Variants in GDA observed in about 807,000 individuals in gnomAD.
GDA encodes the protein cytoplasmic PSD-95 interactor.
GDA carries 18 observed loss-of-function variants against 59.6 expected under a neutral mutation model. The ratio of observed to expected loss-of-function variants is 0.30; its 90% CI spans 0.21 to 0.45. The LOEUF (loss-of-function observed/expected upper bound fraction) is 0.45. Ranked by LOEUF, GDA falls within the 20% of genes least tolerant of loss-of-function variation. The pLI, the probability that GDA is intolerant of heterozygous loss-of-function variation, is 1.00. For missense variants in GDA, 427 were observed against 552.3 expected (o/e 0.77, Z 2.27); for synonymous variants, 201 against 201.1 (o/e 1.00, Z 0.00).
chr9:72,225,988 A>AGTGTGT (rs35524358), intron 8 of GDA, among the ~76,000 whole-genome samples: 6 of 147,920 alleles, frequency 4.1e-5, no homozygotes, highest in South Asian at 2.2e-4. Context: ...AGTAAAGCCT[A>AGTGTGT]GTGTGTGTGT....
At chr9:72,237,741 C>T (rs528566326) in intron 10 of GDA, among the ~76,000 whole-genome samples, 3 of 152,306 alleles carry the variant, frequency 2.0e-5, no homozygotes, top group East Asian at 1.9e-4. Flanking sequence ...AAATAGCTCT[C>T]CTTTTTAGAG....
intron 7 of GDA, among the ~76,000 whole-genome samples, chr9:72,224,216 C>G (rs890854992): frequency 6.6e-6 from 1 of 152,044 alleles, no homozygotes; most frequent in African/African-American, 2.4e-5. Context: ...TCAAGTTTAT[C>G]CTTGCTAGAG....
At chr9:72,123,697 G>C (rs1051948936) in intron 1 of GDA, among the ~76,000 whole-genome samples, 1 of 151,664 alleles carries the variant, frequency 6.6e-6, no homozygotes. Flanking sequence ...ATGTTGGTCA[G>C]GCTGGTCTCG....
chr9:72,185,722 T>C (rs189904891), intron 1 of GDA, among the ~76,000 whole-genome samples: 1 of 152,356 alleles, frequency 6.6e-6, no homozygotes, highest in African/African-American at 2.4e-5. Flanking sequence ...TTTACTTTGT[T>C]CCATAGCAAC....
At chr9:72,166,506 A>G (rs1444626139) in intron 1 of GDA, among the ~76,000 whole-genome samples, 1 of 152,186 alleles carries the variant, frequency 6.6e-6, no homozygotes, top group Non-Finnish European at 1.5e-5. Flanking sequence ...TCTACATTTC[A>G]AAGTAGCTAG....
intron 6 of GDA, among the ~76,000 whole-genome samples, chr9:72,219,843 C>T (rs1836628610): frequency 6.6e-6 from 1 of 152,170 alleles, no homozygotes; most frequent in Admixed American, 6.5e-5. Context: ...ACTAGATCCT[C>T]AGAACTTGTT....
chr9:72,202,980 G>A (rs986356750), intron 3 of GDA, among the ~76,000 whole-genome samples: 2 of 152,158 alleles, frequency 1.3e-5, no homozygotes, highest in South Asian at 2.1e-4. Flanking sequence ...GTGGGTTTAC[G>A]TTACTCTTTT....
At chr9:72,167,395 C>T (rs554391574) in intron 1 of GDA, among the ~76,000 whole-genome samples, 7 of 152,250 alleles carry the variant, frequency 4.6e-5, no homozygotes, top group Non-Finnish European at 5.9e-5. Flanking sequence ...TGCCAATAAT[C>T]GTTGTCTCAG....
intron 3 of GDA, among the ~76,000 whole-genome samples, chr9:72,207,954 T>C (rs1004870276): frequency 2.0e-5 from 3 of 151,702 alleles, no homozygotes; most frequent in African/African-American, 7.3e-5. Context: ...AAAAAAAAAA[T>C]AGCTAGGCAT....
At chr9:72,157,030 CTTTTTTTTTT>C (rs544126638) in intron 1 of GDA, among the ~76,000 whole-genome samples, 2 of 104,074 alleles carry the variant, frequency 1.9e-5, no homozygotes, top group South Asian at 2.9e-4. Context: ...TCTAGACTTC[CTTTTTTTTTT>C]TTTTTTTTTT....
Position 72,149,662 on chromosome 9 carries a change from G to C in GDA, c.103G>C (p.Gly35Arg). Residue 35 changes from glycine to arginine, a missense_variant, in exon 1 of 14, where the codon GGC becomes CGC. Physicochemically the swap from Gly to Arg is moderately radical, Grantham distance 125 (BLOSUM62 -2). Transcript: ENST00000358399. ...GGAGGTGCTGCGGGATCACCTCCTC[G>C]GCGTGAGCGACAGCGGCAAAGTAAG... The part of the protein sequence containing the change: ...PMEVLRDHLL[G>R]VSDSGKIVFL... 6.2e-7 allele frequency: 1 copy of C among 1,602,266 alleles called. No individual in the cohort carries two copies. Among genetic ancestry groups the C allele is most frequent in the East Asian group, 2.3e-5 (1 of 43,128 alleles).
At chr9:72,164,915 G>A (rs1033045109) in intron 1 of GDA, among the ~76,000 whole-genome samples, 11 of 151,448 alleles carry the variant, frequency 7.3e-5, no homozygotes, top group African/African-American at 1.7e-4. Flanking sequence ...GCGTGAAACC[G>A]GGAGGCGGAG....
intron 1 of GDA, among the ~76,000 whole-genome samples, chr9:72,140,085 T>C (rs1292930146): frequency 6.6e-6 from 1 of 152,128 alleles, no homozygotes; most frequent in Non-Finnish European, 1.5e-5. Flanking sequence ...ACCTACCTGC[T>C]CCTTAACTAA....
intron 10 of GDA, among the ~76,000 whole-genome samples, chr9:72,240,206 G>A (rs1436527017): frequency 6.6e-6 from 1 of 152,016 alleles, no homozygotes; most frequent in Non-Finnish European, 1.5e-5. Flanking sequence ...GTCTACATTA[G>A]CACTGCTCAT....
chr9:72,161,009 C>A (rs1409582863), intron 1 of GDA, among the ~76,000 whole-genome samples: 1 of 152,018 alleles, frequency 6.6e-6, no homozygotes, highest in East Asian at 1.9e-4. Context: ...CAAGTTCAAG[C>A]AATTCTCCAC....
upstream of GDA, chr9:72,149,269 T>C: frequency 2.3e-6 from 1 of 438,290 alleles, no homozygotes; most frequent in Non-Finnish European, 4.1e-6. Context: ...TCTTGATAAC[T>C]CAAAGAGTTA....
upstream of GDA, among the ~76,000 whole-genome samples, chr9:72,146,133 AG>A (rs556135996): frequency 2.7e-3 from 24 of 9,042 alleles, no homozygotes; most frequent in South Asian, 0.035. Flanking sequence ...GATAAAGGTG[AG>A]GGGGGGTTGG....
At chr9:72,143,796 T>C (rs1826526915) in intron 1 of GDA, among the ~76,000 whole-genome samples, 1 of 152,226 alleles carries the variant, frequency 6.6e-6, no homozygotes, top group African/African-American at 2.4e-5. Context: ...TTTGAACTTT[T>C]CTAAACAAAC....
chr9:72,248,254 C>T lies in GDA; in HGVS notation c.1295-18C>T, dbSNP rs943672688. 1.3e-6 allele frequency: 2 copies of T among 1,550,908 alleles called. No individual in the cohort carries two copies. Among genetic ancestry groups the T allele is most frequent in the Non-Finnish European group, 8.9e-7 (1 of 1,122,576 alleles). ...ACACAAAAGGATTTTATACATGATT[C>T]CTTGATTTTTCTTTCAGGAGATGAT... On this transcript the variant is annotated intron_variant, in intron 13 of 13. Transcript: ENST00000358399.
Sources: allele counts gnomAD v4.1 joint callset (sites outside exome capture counted in the v4.1 genomes callset), GRCh38; gene constraint gnomAD v4.1.1; transcripts MANE v1.5; gene names NCBI Gene and HGNC (gene_info 2026-07-23, HGNC 2026-07-21).